The following HIPK2 variants were observed in gnomAD, a reference collection of about 807,000 sequenced individuals.
The protein encoded by HIPK2 is homeodomain-interacting protein kinase 2.
In HIPK2, 27 loss-of-function variants were observed where a neutral mutation model predicts 113.7. The ratio of observed to expected loss-of-function variants is 0.24; its 90% confidence interval spans 0.17 to 0.33. The LOEUF (loss-of-function observed/expected upper bound fraction) is 0.33. Ranked by LOEUF, HIPK2 falls within the 10% of genes least tolerant of loss-of-function variation. HIPK2 has a pLI of 1.00. For missense variants in HIPK2, 1,257 were observed against 1,588.0 expected (o/e 0.79, Z 3.54); for synonymous variants, 631 against 642.2 (o/e 0.98, Z 0.26).
chr7:139,604,354 C>G, intron 9 of HIPK2, 131 bp from the exon 10 acceptor site: 1 of 1,354,626 alleles, frequency 7.4e-7, no homozygotes, highest in Non-Finnish European at 1.0e-6. Flanking sequence ...GGCCTGGTCT[C>G]TGGCCTCAAA....
intron 11 of HIPK2, among the ~76,000 whole-genome samples, chr7:139,599,459 G>A (rs1479704253): frequency 2.0e-5 from 3 of 152,060 alleles, no homozygotes; most frequent in East Asian, 3.8e-4. Flanking sequence ...TGCCTTTTCC[G>A]AAATGCCATA....
chr7:139,680,501 C>T (rs1270004331), intron 2 of HIPK2, among the ~76,000 whole-genome samples: 1 of 152,142 alleles, frequency 6.6e-6, no homozygotes, highest in Non-Finnish European at 1.5e-5. Flanking sequence ...TTTATGAGGG[C>T]TTTTGTGAGG....
chr7:139,690,018 C>T (rs1455014458), intron 2 of HIPK2, among the ~76,000 whole-genome samples: 1 of 110,012 alleles, frequency 9.1e-6, no homozygotes, highest in Non-Finnish European at 1.7e-5. Context: ...GGGGGAGCCT[C>T]AAGGTGGGGC....
intron 1 of HIPK2, among the ~76,000 whole-genome samples, chr7:139,726,919 G>A (rs1366108467): frequency 2.0e-5 from 3 of 152,208 alleles, no homozygotes; most frequent in South Asian, 2.1e-4. Context: ...TGCTGCTGAC[G>A]GTAAGAGCAC....
chr7:139,688,913 A>G (rs1055214997), intron 2 of HIPK2, among the ~76,000 whole-genome samples: 3 of 152,224 alleles, frequency 2.0e-5, no homozygotes, highest in Admixed American at 2.0e-4. Context: ...TTCTGGGTAC[A>G]TTCAGGGGCT....
At chr7:139,647,341 C>T (rs535740590) in intron 2 of HIPK2, among the ~76,000 whole-genome samples, 13 of 152,104 alleles carry the variant, frequency 8.5e-5, no homozygotes, top group Admixed American at 2.0e-4. Flanking sequence ...TCTTTCCTAC[C>T]GCCAAGCACT....
chr7:139,587,866 A>C (rs917851792), intron 12 of HIPK2, among the ~76,000 whole-genome samples: 6 of 152,070 alleles, frequency 3.9e-5, no homozygotes, highest in African/African-American at 2.4e-5. Flanking sequence ...TGACAAAGAG[A>C]CCTACACTCT....
At chr7:139,636,365 A>G (rs1414550021) in intron 2 of HIPK2, among the ~76,000 whole-genome samples, 1 of 151,776 alleles carries the variant, frequency 6.6e-6, no homozygotes, top group Non-Finnish European at 1.5e-5. Flanking sequence ...GATAATTGTT[A>G]TGGGTTGAAT....
chr7:139,581,573 T>C (rs923526828), intron 13 of HIPK2, among the ~76,000 whole-genome samples: 2 of 152,184 alleles, frequency 1.3e-5, no homozygotes, highest in African/African-American at 2.4e-5. Context: ...GAAACAGCAG[T>C]GCATATCCTG....
chr7:139,686,445 G>A (rs1311817587), intron 2 of HIPK2, among the ~76,000 whole-genome samples: 1 of 152,134 alleles, frequency 6.6e-6, no homozygotes, highest in African/African-American at 2.4e-5. Context: ...ATCTTGAATT[G>A]TAGTTCCCAT....
intron 13 of HIPK2, among the ~76,000 whole-genome samples, chr7:139,582,389 G>A (rs1008143987): frequency 2.6e-5 from 4 of 152,196 alleles, no homozygotes; most frequent in Non-Finnish European, 5.9e-5. Flanking sequence ...CGCGAGCTGC[G>A]TGCTGCTTGT....
intron 1 of HIPK2, among the ~76,000 whole-genome samples, chr7:139,717,672 C>T (rs572805632): frequency 2.6e-5 from 4 of 152,300 alleles, no homozygotes; most frequent in Admixed American, 6.5e-5. Context: ...CATTCACTCA[C>T]GCTTCCTGCT....
chr7:139,615,004 A>T (rs1002265050), intron 7 of HIPK2, among the ~76,000 whole-genome samples: 7 of 152,066 alleles, frequency 4.6e-5, no homozygotes, highest in African/African-American at 1.7e-4. Context: ...CCACAACATG[A>T]TGAGCTCTGG....
chr7:139,757,206 C>G (rs943357056), intron 1 of HIPK2, among the ~76,000 whole-genome samples: 1 of 152,208 alleles, frequency 6.6e-6, no homozygotes, highest in East Asian at 1.9e-4. Context: ...GCACAAACCA[C>G]ATATCAGTCA....
In HIPK2 at chr7:139,573,060, G is replaced by A. The variant is rs752555598; in HGVS notation, c.3464C>T (p.Ser1155Leu). 1 of 1,612,170 alleles carries A rather than the reference G, an allele frequency of 6.2e-7. No individual in the cohort carries two copies. The highest frequency in any genetic ancestry group is 8.5e-7 in the Non-Finnish European group (1 of 1,179,188). ...PVSMGPRVLP[S>L]PTIHPSQYPA... ...ATACTGACTCGGGTGGATGGTGGGC[G>A]AGGGCAGGACCCGGGGGCCCATGCT... Residue 1155 changes from serine to leucine, a missense_variant, in exon 15 of 15, where the codon TCG becomes TTG. Coordinates refer to ENST00000406875, the MANE Select transcript of HIPK2 (RefSeq NM_022740.5).
Position 139,575,205 on chromosome 7 carries a change from A to G in HIPK2, c.3049T>C (p.Ser1017Pro). The G allele has an allele frequency of 6.3e-7, 1 of 1,586,396 alleles. No homozygotes were observed. The highest frequency in any genetic ancestry group is 8.6e-7 in the Non-Finnish European group (1 of 1,166,560). Residue 1017 changes from serine (S) to proline (P), a missense_variant, in exon 14 of 15, where the codon TCA (serine) becomes CCA (proline). Coordinates refer to ENST00000406875, the MANE Select transcript of HIPK2 (RefSeq NM_022740.5). ...TGCCGGTAGGTGATGGCTCCAGATG[A>G]GCTCCCTGAAGAGTGACCGCTGGTG... The part of the protein sequence containing the change: ...TSTSGHSSGS[S>P]SGAITYRQQR...
At chr7:139,640,331 A>G (rs1209951099) in intron 2 of HIPK2, among the ~76,000 whole-genome samples, 1 of 152,232 alleles carries the variant, frequency 6.6e-6, no homozygotes, top group African/African-American at 2.4e-5. Context: ...ACTGAGAAGC[A>G]TTCCCAGATC....
intron 2 of HIPK2, among the ~76,000 whole-genome samples, chr7:139,665,026 CTTCT>C (rs1801999569): frequency 7.6e-6 from 1 of 132,388 alleles, no homozygotes; most frequent in Non-Finnish European, 1.6e-5. Context: ...GGTTACCCTT[CTTCT>C]TTCTCTCTCT....
chr7:139,706,015 G>C (rs566050224), intron 2 of HIPK2, among the ~76,000 whole-genome samples: 1 of 152,300 alleles, frequency 6.6e-6, no homozygotes, highest in South Asian at 2.1e-4. Context: ...CAGAAAAGCA[G>C]GTTGGAGGTT....
Sources: gnomAD v4.1 joint callset for allele counts (sites outside exome capture counted in the v4.1 genomes callset) on GRCh38, gnomAD v4.1.1 for gene constraint, MANE v1.5 for transcripts, NCBI Gene and HGNC (gene_info 2026-07-23, HGNC 2026-07-21) for gene names.